Variants in LRRC4C observed in about 807,000 individuals in gnomAD.
LRRC4C encodes the protein leucine-rich repeat-containing protein 4C.
In LRRC4C, 5 loss-of-function variants were observed where a neutral mutation model predicts 33.6. The ratio of observed to expected loss-of-function variants is 0.15; its 90% CI spans 0.08 to 0.31. LRRC4C has a LOEUF of 0.31. Ranked by LOEUF, LRRC4C falls within the 10% of genes least tolerant of loss-of-function variation. The pLI is 1.00. For synonymous variants in LRRC4C, 329 were observed against 302.0 expected (o/e 1.09, Z -0.93); for missense variants, 560 against 796.7 (o/e 0.70, Z 3.58).
intron 2 of LRRC4C, among the ~76,000 whole-genome samples, chr11:40,823,614 A>G (rs1204468606): frequency 1.3e-5 from 2 of 151,852 alleles, no homozygotes; most frequent in East Asian, 3.9e-4. Context: ...ATCTTTTATC[A>G]TTAGAGAAAT....
chr11:40,149,745 A>T (rs1277050511), intron 5 of LRRC4C, among the ~76,000 whole-genome samples: 9 of 152,206 alleles, frequency 5.9e-5, no homozygotes, highest in African/African-American at 1.7e-4. Flanking sequence ...AACATCTGGG[A>T]GAAAAATATT....
At chr11:40,201,437 A>G (rs1289820872) in intron 5 of LRRC4C, among the ~76,000 whole-genome samples, 3 of 152,212 alleles carry the variant, frequency 2.0e-5, no homozygotes, top group African/African-American at 7.2e-5. Context: ...AACAAACTAA[A>G]CAAATCTTTT....
intron 1 of LRRC4C, among the ~76,000 whole-genome samples, chr11:41,261,690 G>C (rs1185731565): frequency 6.6e-6 from 1 of 152,126 alleles, no homozygotes; most frequent in African/African-American, 2.4e-5. Context: ...ACTCTAGTGG[G>C]CAGAGAGATT....
intron 3 of LRRC4C, among the ~76,000 whole-genome samples, chr11:40,487,215 G>A (rs1826722): frequency 0.041 from 6,256 of 152,114 alleles, 335 homozygotes; most frequent in African/African-American, 0.12. Flanking sequence ...TTTAATGAGA[G>A]AAAAATAAAA....
intron 1 of LRRC4C, among the ~76,000 whole-genome samples, chr11:40,981,685 C>T (rs1852551195): frequency 6.6e-6 from 1 of 152,194 alleles, no homozygotes; most frequent in South Asian, 2.1e-4. Flanking sequence ...AGGAAACAAA[C>T]TATCCCCTTA....
intron 3 of LRRC4C, among the ~76,000 whole-genome samples, chr11:40,506,299 T>C (rs1955028401): frequency 3.3e-5 from 5 of 152,188 alleles, no homozygotes; most frequent in Admixed American, 3.3e-4. Flanking sequence ...CCAGTTTCTT[T>C]GAGAATCCAA....
At chr11:40,725,893 C>T (rs2136725477) in intron 2 of LRRC4C, among the ~76,000 whole-genome samples, 1 of 152,200 alleles carries the variant, frequency 6.6e-6, no homozygotes, top group South Asian at 2.1e-4. Context: ...TCTGTTTGGC[C>T]TCCTGTTAAT....
chr11:40,541,048 C>A (rs1956688225), intron 3 of LRRC4C, among the ~76,000 whole-genome samples: 1 of 152,138 alleles, frequency 6.6e-6, no homozygotes, highest in African/African-American at 2.4e-5. Flanking sequence ...AAACACATTT[C>A]TGAATGGATC....
At chr11:41,221,041 T>G (rs1947283749) in intron 1 of LRRC4C, among the ~76,000 whole-genome samples, 1 of 152,196 alleles carries the variant, frequency 6.6e-6, no homozygotes, top group Admixed American at 6.5e-5. Flanking sequence ...GTTACATAGG[T>G]AAACTTGTGT....
intron 1 of LRRC4C, among the ~76,000 whole-genome samples, chr11:41,355,288 C>A (rs1200770329): frequency 1.3e-5 from 2 of 151,956 alleles, no homozygotes; most frequent in African/African-American, 4.8e-5. Context: ...GGAAAGAAAA[C>A]AACTACATCT....
chr11:40,478,676 T>A (rs1174027195), intron 3 of LRRC4C, among the ~76,000 whole-genome samples: 2 of 152,178 alleles, frequency 1.3e-5, no homozygotes, highest in Non-Finnish European at 2.9e-5. Flanking sequence ...ATTTTAAAGT[T>A]TACTTTGGGG....
intron 3 of LRRC4C, among the ~76,000 whole-genome samples, chr11:40,521,390 G>A (rs1955805883): frequency 6.6e-6 from 1 of 152,154 alleles, no homozygotes; most frequent in Non-Finnish European, 1.5e-5. Context: ...ATAGCAATCA[G>A]CTTTTTTTGA....
intron 2 of LRRC4C, among the ~76,000 whole-genome samples, chr11:40,793,200 T>C (rs1406020788): frequency 6.6e-6 from 1 of 152,012 alleles, no homozygotes; most frequent in Non-Finnish European, 1.5e-5. Context: ...CAATGAAAAA[T>C]GCCCTTGAGA....
chr11:40,864,383 T>G (rs988051116), intron 2 of LRRC4C, among the ~76,000 whole-genome samples: 1 of 152,146 alleles, frequency 6.6e-6, no homozygotes, highest in African/African-American at 2.4e-5. Flanking sequence ...CACACTAATT[T>G]ATACCACAAG....
chr11:40,162,255 C>T (rs1313417516), intron 5 of LRRC4C, among the ~76,000 whole-genome samples: 1 of 152,052 alleles, frequency 6.6e-6, no homozygotes, highest in Non-Finnish European at 1.5e-5. Flanking sequence ...TCTGCTTGAC[C>T]TTCATTAGCT....
intron 2 of LRRC4C, among the ~76,000 whole-genome samples, chr11:40,728,100 C>T (rs1947375981): frequency 6.6e-6 from 1 of 151,852 alleles, no homozygotes; most frequent in African/African-American, 2.4e-5. Flanking sequence ...CTATGAGGTA[C>T]CATCTCTCAA....
chr11:40,997,138 A>T (rs1854036787), intron 1 of LRRC4C, among the ~76,000 whole-genome samples: 1 of 152,148 alleles, frequency 6.6e-6, no homozygotes, highest in Non-Finnish European at 1.5e-5. Flanking sequence ...TTTGTGAATT[A>T]TGAAAATATT....
At chr11:41,187,876 A>G (rs1055933606) in intron 1 of LRRC4C, among the ~76,000 whole-genome samples, 6 of 152,178 alleles carry the variant, frequency 3.9e-5, no homozygotes, top group Admixed American at 3.9e-4. Context: ...CATACCAATT[A>G]CACATCCTGT....
intron 2 of LRRC4C, among the ~76,000 whole-genome samples, chr11:40,658,002 G>A (rs948247824): frequency 5.3e-5 from 8 of 152,298 alleles, no homozygotes; most frequent in Admixed American, 5.2e-4. Context: ...GGTACAAGTT[G>A]ACAGTTTCTT....
Sources: allele counts gnomAD v4.1 joint callset (sites outside exome capture counted in the v4.1 genomes callset), GRCh38; gene constraint gnomAD v4.1.1; transcripts MANE v1.5; gene names NCBI Gene and HGNC (gene_info 2026-07-23, HGNC 2026-07-21).